The following LPAR1 variants were observed in gnomAD, a reference collection of about 807,000 sequenced individuals.
LPAR1 encodes the protein lysophosphatidic acid receptor 1.
In LPAR1, 5 loss-of-function variants were observed where a neutral mutation model predicts 23.8. The observed-to-expected ratio is 0.21, with a 90% CI of 0.11 to 0.44. LPAR1 has a LOEUF of 0.44. Among genes scored for constraint, LPAR1 ranks in the 20% least tolerant of loss-of-function variants. The probability of loss-of-function intolerance (pLI) is 0.99; values close to 1 mark genes in which losing one functional copy is unlikely to be tolerated. For missense variants in LPAR1, 311 were observed against 482.8 expected, an observed-to-expected ratio of 0.64 and a Z score of 3.33; for synonymous variants, 160 against 164.7, an observed-to-expected ratio of 0.97 and a Z score of 0.22.
At chr9:110,881,137 CCA>C (rs1438169244) in intron 5 of LPAR1, among the ~76,000 whole-genome samples, 3 of 152,084 alleles carry the variant, frequency 2.0e-5, no homozygotes, top group African/African-American at 7.2e-5. Flanking sequence ...TGAGGTATCT[CCA>C]CAGTATTATT....
chr9:110,971,968 A>G (rs1343890090), intron 4 of LPAR1, 105 bp downstream of exon 4: 3 of 930,840 alleles, frequency 3.2e-6, no homozygotes, highest in Non-Finnish European at 5.2e-6. Flanking sequence ...TGATAGCGAG[A>G]GAGATATACA....
intron 2 of LPAR1, among the ~76,000 whole-genome samples, chr9:111,008,476 G>A (rs983825670): frequency 6.6e-6 from 1 of 152,086 alleles, no homozygotes; most frequent in Non-Finnish European, 1.5e-5. Context: ...TCTGTCAGCC[G>A]ATTATATCCC....
intron 4 of LPAR1, among the ~76,000 whole-genome samples, chr9:110,946,048 A>G (rs184908617): frequency 1.6e-4 from 24 of 152,336 alleles, no homozygotes; most frequent in African/African-American, 5.8e-4. Context: ...TATTGTGCCT[A>G]TCAGAACAAA....
intron 4 of LPAR1, among the ~76,000 whole-genome samples, chr9:110,962,795 T>C (rs1403479714): frequency 2.0e-5 from 3 of 152,162 alleles, no homozygotes; most frequent in Admixed American, 6.5e-5. Flanking sequence ...GTTATGCAAT[T>C]ACCAAATGGC....
At chr9:110,996,900 C>A (rs2097021918) in intron 2 of LPAR1, among the ~76,000 whole-genome samples, 1 of 152,182 alleles carries the variant, frequency 6.6e-6, no homozygotes, top group South Asian at 2.1e-4. Context: ...GGTCTCGTTA[C>A]AGAGACTGAT....
intron 5 of LPAR1, among the ~76,000 whole-genome samples, chr9:110,879,802 T>C (rs2080224199): frequency 6.6e-6 from 1 of 152,128 alleles, no homozygotes; most frequent in African/African-American, 2.4e-5. Flanking sequence ...TGGGAAGAGA[T>C]ATAGAAGGAC....
At chr9:110,886,685 T>C (rs2082519336) in intron 5 of LPAR1, among the ~76,000 whole-genome samples, 1 of 152,224 alleles carries the variant, frequency 6.6e-6, no homozygotes, top group Non-Finnish European at 1.5e-5. Context: ...AAAACAATGG[T>C]ACCACATATA....
At position 111,038,131 on chromosome 9, in the gene LPAR1, G is replaced by A. The variant is rs1475415051; in HGVS notation, c.-262+36C>T. On this transcript the variant is annotated intron_variant, in intron 1 of 5. Coordinates refer to ENST00000683809, the MANE Select transcript of LPAR1 (RefSeq NM_001351411.2). This position sits in a 1 kb window ranked among gnomAD's most constrained non-coding sequence, Gnocchi z 4.4. The stretch of plus-strand genomic sequence containing the variant: ...CGCGGCCTCTGGCTTCGCGCCCAGG[G>A]GGCGCCGTCCCCACACGCCGCGCCG... 6.6e-6 allele frequency: 1 copy of A among 151,310 alleles called. No homozygotes were observed. The highest frequency in any genetic ancestry group is 1.9e-4 in the East Asian group (1 of 5,144). The allele number at this position is 151,310 out of a possible 1,614,324, so 9.4% of individuals were successfully genotyped here. A position where few individuals can be genotyped will look rare whatever the true frequency, so the allele number is the denominator to read the frequency against.
chr9:110,987,908 A>G (rs554635605), intron 2 of LPAR1, among the ~76,000 whole-genome samples: 31 of 152,188 alleles, frequency 2.0e-4, no homozygotes, highest in Non-Finnish European at 3.8e-4. Context: ...ATGAAGCATG[A>G]GCACAGGAAA....
intron 5 of LPAR1, among the ~76,000 whole-genome samples, chr9:110,940,387 T>G (rs369714797): frequency 5.9e-5 from 9 of 152,290 alleles, no homozygotes; most frequent in African/African-American, 1.7e-4. Context: ...CCATGTTACA[T>G]TCACCCAAAA....
At chr9:110,947,299 G>C (rs1163682577) in intron 4 of LPAR1, among the ~76,000 whole-genome samples, 1 of 152,132 alleles carries the variant, frequency 6.6e-6, no homozygotes, top group Non-Finnish European at 1.5e-5. Context: ...CGAAGTTATA[G>C]AATTTCACCC....
At chr9:110,899,114 A>T (rs2087655245) in intron 5 of LPAR1, among the ~76,000 whole-genome samples, 1 of 152,218 alleles carries the variant, frequency 6.6e-6, no homozygotes, top group African/African-American at 2.4e-5. Flanking sequence ...TTAAGAATGG[A>T]AATACTGGCT....
intron 2 of LPAR1, among the ~76,000 whole-genome samples, chr9:111,009,312 G>C (rs548772997): frequency 6.6e-6 from 1 of 151,762 alleles, no homozygotes; most frequent in South Asian, 2.1e-4. Flanking sequence ...CACTACAAAC[G>C]AATTACACAG....
In LPAR1 at chr9:110,972,134, T is replaced by C; in HGVS notation, c.-17A>G. 6.2e-7 allele frequency: 1 copy of C among 1,613,598 alleles called. No homozygotes were observed. The highest frequency in any genetic ancestry group is 8.5e-7 in the Non-Finnish European group (1 of 1,179,558). The stretch of plus-strand genomic sequence containing the variant: ...GGCAGCCATGACAGCTCTGTGGTTG[T>C]AGGTGGTGAACACGCCCCAGAACTA... On this transcript the variant is annotated 5_prime_UTR_variant, in exon 4 of 6. Coordinates refer to ENST00000683809, the MANE Select transcript of LPAR1 (RefSeq NM_001351411.2).
intron 5 of LPAR1, among the ~76,000 whole-genome samples, chr9:110,924,608 G>T (rs1217656246): frequency 6.6e-6 from 1 of 151,576 alleles, no homozygotes; most frequent in East Asian, 1.9e-4. Flanking sequence ...GAGGCAGGAG[G>T]ATCACTAAAG....
intron 2 of LPAR1, among the ~76,000 whole-genome samples, chr9:111,015,364 A>G (rs2097422987): frequency 6.6e-6 from 1 of 152,034 alleles, no homozygotes; most frequent in South Asian, 2.1e-4. Context: ...AGTTGCATCA[A>G]TTCTTCCTCC....
chr9:110,982,418 T>G (rs191480921), intron 2 of LPAR1, among the ~76,000 whole-genome samples: 9 of 151,048 alleles, frequency 6.0e-5, no homozygotes, highest in Admixed American at 5.3e-4. Flanking sequence ...TAAGTGGGAG[T>G]TGAACAATAA....
chr9:110,896,099 T>A (rs1294472738), intron 5 of LPAR1, among the ~76,000 whole-genome samples: 1 of 152,208 alleles, frequency 6.6e-6, no homozygotes, highest in Non-Finnish European at 1.5e-5. Context: ...CCAGTTTAGA[T>A]CAGAGGGAGA....
At chr9:110,923,346 A>G (rs537618155) in intron 5 of LPAR1, among the ~76,000 whole-genome samples, 32 of 152,276 alleles carry the variant, frequency 2.1e-4, no homozygotes, top group African/African-American at 6.5e-4. Context: ...TGACAGTGTA[A>G]AAGTGATACA....
Sources: gnomAD v4.1 joint callset for allele counts (sites outside exome capture counted in the v4.1 genomes callset) on GRCh38, gnomAD v4.1.1 for gene constraint, Gnocchi (gnomAD v3.1) non-coding constraint, MANE v1.5 for transcripts, NCBI Gene and HGNC (gene_info 2026-07-23, HGNC 2026-07-21) for gene names.